The following NPHP1 variants were observed in gnomAD, a reference collection of about 807,000 sequenced individuals.
The protein encoded by NPHP1 is nephrocystin 1.
Under a neutral mutation model 90.4 loss-of-function variants are expected in NPHP1, and 70 were observed. The observed-to-expected ratio is 0.77, with a 90% CI of 0.64 to 0.95. NPHP1 has a LOEUF of 0.95. NPHP1 is among the 40% of genes least tolerant of loss of function. The pLI, the probability that NPHP1 is intolerant of heterozygous loss-of-function variation, is 0.00. For synonymous variants in NPHP1, 256 were observed against 271.7 expected (o/e 0.94, Z 0.57); for missense variants, 764 against 795.9 (o/e 0.96, Z 0.48).
intron 19 of NPHP1, chr2:110,125,414 T>A: frequency 7.8e-7 from 1 of 1,279,332 alleles, no homozygotes; most frequent in Non-Finnish European, 1.1e-6. Context: ...TAAAACTCAG[T>A]AATCTGAAAT....
In NPHP1 at chr2:110,130,561, T is replaced by C. The variant is rs141705519; in HGVS notation, c.1642+1118A>G. ...CTTCTCTGCCTTTGAGTTCCACTTC[T>C]ACCTATCTATCCAGGTGATAAGTCC... On this transcript the variant is annotated intron_variant, in intron 17 of 19. Coordinates refer to ENST00000445609, the MANE Select transcript of NPHP1 (RefSeq NM_001128178.3). Among the ~76,000 whole-genome samples, 294 of 152,300 alleles carry C rather than the reference T, an allele frequency of 1.9e-3. 1 individual carries two copies. The highest frequency in any genetic ancestry group is 3.4e-3 in the Middle Eastern group (1 of 294).
At chr2:110,160,420 A>T (rs1682226004) in intron 10 of NPHP1, among the ~76,000 whole-genome samples, 165 bp from the exon 11 acceptor site, 1 of 152,018 alleles carries the variant, frequency 6.6e-6, no homozygotes, top group South Asian at 2.1e-4. Context: ...AAATTAAATC[A>T]GTCATTTTAG....
chr2:110,173,764 C>T (rs1292312266), intron 4 of NPHP1, among the ~76,000 whole-genome samples: 1 of 152,050 alleles, frequency 6.6e-6, no homozygotes, highest in East Asian at 1.9e-4. Flanking sequence ...CTTAATGACT[C>T]ATTTCTCAGA....
chr2:110,192,091 T>C (rs1684795808), intron 2 of NPHP1, among the ~76,000 whole-genome samples: 1 of 151,808 alleles, frequency 6.6e-6, no homozygotes, highest in African/African-American at 2.4e-5. Flanking sequence ...ATTCTAAAAA[T>C]CAGAGCGCCT....
At position 110,161,375 on chromosome 2, in the gene NPHP1, CCTTT is replaced by C. The variant is rs368447278; in HGVS notation, c.954+224_954+227del. Among the ~76,000 whole-genome samples, 399 of 152,192 alleles carry C rather than the reference CCTTT, an allele frequency of 2.6e-3. 3 individuals carry two copies. The highest frequency in any genetic ancestry group is 9.3e-3 in the African/African-American group (385 of 41,542). On this transcript the variant is annotated intron_variant, in intron 10 of 19. Transcript: ENST00000445609. ...TTAAGATAGAAACCTAGTATTATTT[CCTTT>C]CTAACAATGAGAGAAGAGTGCAATG...
chr2:110,137,684 G>A (rs1471916207), intron 16 of NPHP1, among the ~76,000 whole-genome samples: 2 of 152,020 alleles, frequency 1.3e-5, no homozygotes, highest in Non-Finnish European at 1.5e-5. Context: ...AACAGGTGCT[G>A]GAGAGGATGT....
chr2:110,185,239 G>T, intron 2 of NPHP1: 1 of 499,936 alleles, frequency 2.0e-6, no homozygotes, highest in Non-Finnish European at 4.0e-6. Context: ...AACTCGCTTT[G>T]TTGAGTCAGA....
At chr2:110,203,405 C>G (rs754561304) in intron 1 of NPHP1, among the ~76,000 whole-genome samples, 1 of 152,090 alleles carries the variant, frequency 6.6e-6, no homozygotes, top group African/African-American at 2.4e-5. Context: ...CCCCCTGAAT[C>G]TAAAATAAAA....
intron 15 of NPHP1, 195 bp downstream of exon 15, chr2:110,144,298 G>T: frequency 1.7e-6 from 1 of 575,624 alleles, no homozygotes. Flanking sequence ...CATTCTTCAT[G>T]ATGTCTTAGA....
At chr2:110,195,894 G>A (rs1171313848) in intron 2 of NPHP1, among the ~76,000 whole-genome samples, 1 of 152,096 alleles carries the variant, frequency 6.6e-6, no homozygotes, top group Non-Finnish European at 1.5e-5. Context: ...ACAAAAACAA[G>A]AAATGGGGAA....
intron 2 of NPHP1, among the ~76,000 whole-genome samples, chr2:110,182,729 C>T (rs976451651): frequency 3.9e-5 from 6 of 152,246 alleles, no homozygotes; most frequent in Middle Eastern, 3.4e-3. Context: ...GAAGCAACCA[C>T]ATAAACAAAT....
intron 2 of NPHP1, among the ~76,000 whole-genome samples, chr2:110,191,034 C>A (rs185497667): frequency 8.0e-4 from 121 of 152,122 alleles, no homozygotes; most frequent in African/African-American, 2.7e-3. Flanking sequence ...ACACTTGGGG[C>A]GGTTCCAAGA....
At chr2:110,174,352 G>C (rs1683362758) in intron 4 of NPHP1, among the ~76,000 whole-genome samples, 1 of 151,810 alleles carries the variant, frequency 6.6e-6, no homozygotes, top group Admixed American at 6.6e-5. Context: ...CCATTTTATT[G>C]TGTTGTTTCA....
At position 110,150,257 on chromosome 2, in the gene NPHP1, C is replaced by A. The variant is rs1458494785; in HGVS notation, c.1084-1G>T. ...TGACTGTATGAATGTTGCTCAGAAC[C>A]TGAAATGAGATTTTCCCTTTTGAAA... On this transcript the variant is annotated splice_acceptor_variant, in intron 11 of 19. Transcript: ENST00000445609. LOFTEE classifies it high-confidence loss of function. 4 of 1,613,664 alleles carry A rather than the reference C, an allele frequency of 2.5e-6. No individual in the cohort carries two copies. The highest frequency in any genetic ancestry group is 2.2e-5 in the South Asian group (2 of 91,074).
chr2:110,141,358 A>G (rs1211129836), intron 16 of NPHP1, among the ~76,000 whole-genome samples: 3 of 152,082 alleles, frequency 2.0e-5, no homozygotes, highest in Non-Finnish European at 4.4e-5. Context: ...CTTTCCATTA[A>G]ACCTCATTAC....
chr2:110,182,235 C>T (rs1372810867), intron 2 of NPHP1, among the ~76,000 whole-genome samples: 1 of 151,860 alleles, frequency 6.6e-6, no homozygotes, highest in African/African-American at 2.4e-5. Context: ...CAGAAGAATT[C>T]CCCCAACCTA....
intron 11 of NPHP1, among the ~76,000 whole-genome samples, chr2:110,155,583 T>A (rs762418657): frequency 6.6e-6 from 1 of 152,182 alleles, no homozygotes. Flanking sequence ...TGAACCCACC[T>A]CTTACATCAG....
rs151120697 is a variant in NPHP1 at position 110,123,818 on chromosome 2, C to T, written c.2007G>A (p.Leu669=). 36 of 1,614,054 alleles carry T rather than the reference C, an allele frequency of 2.2e-5. No homozygotes were observed. The African/African-American group carries it at 4.7e-4, about 21-fold the overall frequency. Reference sequence around the variant, plus strand: ...ACACTGCATTCTTTCTCATTTCACCCAAGAAGTCATAGGTCTGCTCTGAAA... The same window carrying T: ...ACACTGCATTCTTTCTCATTTCACCTAAGAAGTCATAGGTCTGCTCTGAAA... ...FDLSEQTYDF[L]GEMRKNAV is the part of the protein sequence containing the mutation. Residue 669 remains leucine (L), a synonymous_variant, in exon 20 of 20, where the codon TTG becomes TTA. Transcript: ENST00000445609.
intron 2 of NPHP1, chr2:110,184,020 A>G (rs928027087): frequency 4.6e-6 from 2 of 437,076 alleles, no homozygotes; most frequent in African/African-American, 2.0e-5. Context: ...GGCAGACCCA[A>G]CTGGTAGTTC....
Sources: allele counts gnomAD v4.1 joint callset (sites outside exome capture counted in the v4.1 genomes callset), GRCh38; gene constraint gnomAD v4.1.1; transcripts MANE v1.5; gene names NCBI Gene and HGNC (gene_info 2026-07-23, HGNC 2026-07-21).